MAGT1: variants seen among roughly 807,000 people sequenced by gnomAD.
MAGT1 encodes magnesium transporter 1.
A neutral mutation model predicts 28.4 loss-of-function variants in MAGT1; 4 were observed. The observed-to-expected ratio is 0.14, with a 90% CI of 0.07 to 0.32. MAGT1 has a LOEUF of 0.32. Ranked by LOEUF, MAGT1 falls within the 10% of genes least tolerant of loss-of-function variation. MAGT1 has a pLI of 1.00. For missense variants in MAGT1, 193 were observed against 264.5 expected, an observed-to-expected ratio of 0.73 and a Z score of 1.88; for synonymous variants, 89 against 89.7, an observed-to-expected ratio of 0.99 and a Z score of 0.04.
chrX:77,865,572 C>T lies in MAGT1; in HGVS notation c.390+5236G>A, dbSNP rs782723115. Among the ~76,000 whole-genome samples, 165 of 110,365 alleles carry T rather than the reference C, an allele frequency of 1.5e-3. 1 individual carries two copies. The highest frequency in any genetic ancestry group is 5.2e-3 in the African/African-American group (157 of 30,432). ...CCTCCCAAAGTGCTGGGATTACAGG[C>T]GTGAGCCAACCGCACCTGGCTGTAA... On this transcript the variant is annotated intron_variant, in intron 3 of 9. Coordinates refer to ENST00000618282, the MANE Select transcript of MAGT1 (RefSeq NM_001367916.1).
chrX:77,879,627 G>A (rs1331813612), intron 1 of MAGT1, among the ~76,000 whole-genome samples: 3 of 110,764 alleles, frequency 2.7e-5, no homozygotes, highest in Non-Finnish European at 5.7e-5. Context: ...CAAGAGAACA[G>A]AGACCCACAA....
Position 77,878,874 on chromosome X carries a change from T to C in MAGT1, c.103-3277A>G, listed in dbSNP as rs376650716. On this transcript the variant is annotated intron_variant, in intron 1 of 9. Coordinates refer to ENST00000618282, the MANE Select transcript of MAGT1 (RefSeq NM_001367916.1). Reference sequence around the variant, plus strand: ...ACCATACAACCCATCAACCACATTATTTGGCATTTGTCCTATAGAAATGAA... The same window carrying C: ...ACCATACAACCCATCAACCACATTACTTGGCATTTGTCCTATAGAAATGAA... Among the ~76,000 whole-genome samples the C allele has an allele frequency of 7.7e-4, 85 of 110,421 alleles. 2 individuals are homozygous for C. The South Asian group carries it at 0.032, about 42-fold the overall frequency.
intron 7 of MAGT1, among the ~76,000 whole-genome samples, chrX:77,842,011 T>C (rs2076936397): frequency 9.2e-6 from 1 of 109,035 alleles, no homozygotes; most frequent in South Asian, 3.9e-4. Flanking sequence ...TTTTGAATAT[T>C]TCACCCCACC....
intron 1 of MAGT1, among the ~76,000 whole-genome samples, chrX:77,893,331 G>A (rs187545237): frequency 6.3e-4 from 70 of 111,602 alleles, no homozygotes; most frequent in African/African-American, 2.2e-3. Context: ...AGATATTCTC[G>A]CATAAGTCTT....
intron 1 of MAGT1, among the ~76,000 whole-genome samples, chrX:77,878,289 C>CAAA (rs1205547369): frequency 1.5e-3 from 22 of 15,052 alleles, no homozygotes; most frequent in East Asian, 4.5e-3. Context: ...AACTCTGATG[C>CAAA]AAAAAAAAAA....
At chrX:77,889,840 G>C (rs2077077532) in intron 1 of MAGT1, among the ~76,000 whole-genome samples, 1 of 111,447 alleles carries the variant, frequency 9.0e-6, no homozygotes, top group Non-Finnish European at 1.9e-5. Context: ...AATTATTATT[G>C]ACTATAGTCA....
chrX:77,895,524 G>T (rs1055879713), upstream of MAGT1: 1 of 1,148,715 alleles, frequency 8.7e-7, no homozygotes, highest in Non-Finnish European at 1.2e-6. Flanking sequence ...GCTCAGCCCT[G>T]CCGGGAGACC....
chrX:77,830,970 T>TTTATTTTATTTTA (rs2076896418), intron 8 of MAGT1, 75 bp from the exon 9 acceptor site: 1 of 181,564 alleles, frequency 5.5e-6, no homozygotes, highest in Non-Finnish European at 9.9e-6. Flanking sequence ...ATACTTTCTT[T>TTTATTTTATTTTA]TTTTATTTTA....
chrX:77,832,726 G>A (rs1020715441), intron 8 of MAGT1, among the ~76,000 whole-genome samples: 6 of 105,856 alleles, frequency 5.7e-5, no homozygotes, highest in Admixed American at 1.0e-4. Context: ...CCAGCTACTC[G>A]GGAGGCTGAG....
intron 3 of MAGT1, among the ~76,000 whole-genome samples, chrX:77,860,680 G>T (rs1224859285): frequency 1.8e-5 from 2 of 111,287 alleles, no homozygotes; most frequent in Non-Finnish European, 3.8e-5. Context: ...TATTTGGGTG[G>T]CTGAGACACG....
chrX:77,868,047 A>G (rs2077011918), intron 3 of MAGT1: 1 of 66,402 alleles, frequency 1.5e-5, no homozygotes, highest in African/African-American at 3.5e-5. Context: ...CACGTTGTAC[A>G]AGAAGATGAA....
chrX:77,848,173 T>C (rs1557215184), intron 7 of MAGT1, among the ~76,000 whole-genome samples: 7 of 112,449 alleles, frequency 6.2e-5, no homozygotes. Flanking sequence ...TGGCAGGCAC[T>C]ATAAACTGTT....
At chrX:77,871,912 T>C (rs185859532) in intron 2 of MAGT1, among the ~76,000 whole-genome samples, 6 of 111,622 alleles carry the variant, frequency 5.4e-5, no homozygotes, top group African/African-American at 1.9e-4. Context: ...TCAGTTCTCA[T>C]GATCTGTCAA....
intron 7 of MAGT1, among the ~76,000 whole-genome samples, chrX:77,852,065 A>AT (rs1193702661): frequency 1.1e-4 from 12 of 105,543 alleles, no homozygotes; most frequent in African/African-American, 3.1e-4. Context: ...CGCTCAGCTA[A>AT]TTTTTTTTTG....
In MAGT1 at chrX:77,829,185, C is replaced by T; in HGVS notation, c.*35G>A. 1.7e-6 allele frequency: 2 copies of T among 1,169,896 alleles called. No homozygotes were observed. Among genetic ancestry groups the T allele is most frequent in the South Asian group, 1.8e-5 (1 of 54,844 alleles). The stretch of plus-strand genomic sequence containing the variant: ...CACACGATTTTCGTTTTTCAATTTC[C>T]AGTACTCCAGTGTCTATATATCTCT... On this transcript the variant is annotated 3_prime_UTR_variant, in exon 10 of 10. Transcript: ENST00000618282.
At chrX:77,840,248 A>G (rs1204039319) in intron 8 of MAGT1, among the ~76,000 whole-genome samples, 3 of 105,781 alleles carry the variant, frequency 2.8e-5, no homozygotes, top group Non-Finnish European at 5.8e-5. Flanking sequence ...AAAAATACAA[A>G]AAAAAAAAAG....
At chrX:77,868,437 G>T in intron 3 of MAGT1, 1 of 122,570 alleles carries the variant, frequency 8.2e-6, no homozygotes, top group Non-Finnish European at 1.7e-5. Flanking sequence ...AGGAGTTTGA[G>T]ACCAGCCTGG....
intron 1 of MAGT1, among the ~76,000 whole-genome samples, chrX:77,884,589 C>T (rs1324254432): frequency 9.1e-6 from 1 of 110,487 alleles, no homozygotes; most frequent in Non-Finnish European, 1.9e-5. Flanking sequence ...AGCAACACTA[C>T]CGACGTCTTA....
intron 7 of MAGT1, among the ~76,000 whole-genome samples, chrX:77,847,647 G>A (rs1261757429): frequency 7.7e-4 from 68 of 88,798 alleles, no homozygotes; most frequent in African/African-American, 3.0e-3. Flanking sequence ...GTTTTGCTCT[G>A]CCACTCAGGC....
Sources: allele counts gnomAD v4.1 joint callset (sites outside exome capture counted in the v4.1 genomes callset), GRCh38; gene constraint gnomAD v4.1.1; transcripts MANE v1.5; gene names NCBI Gene and HGNC (gene_info 2026-07-23, HGNC 2026-07-21).